The following DOCK1 variants were observed in gnomAD, a reference collection of about 807,000 sequenced individuals.
DOCK1 encodes dedicator of cytokinesis protein 1.
A neutral mutation model predicts 262.7 loss-of-function variants in DOCK1; 138 were observed. The ratio of observed to expected loss-of-function variants is 0.53; its 90% CI spans 0.46 to 0.61. DOCK1 has a LOEUF of 0.61. Ranked by LOEUF, DOCK1 falls within the 20% of genes least tolerant of loss-of-function variation. The probability of loss-of-function intolerance (pLI) is 0.00; values close to 1 mark genes in which losing one functional copy is unlikely to be tolerated. For missense variants in DOCK1, 1,908 were observed against 2,370.7 expected, an observed-to-expected ratio of 0.80 and a Z score of 4.05; for synonymous variants, 866 against 867.4, an observed-to-expected ratio of 1.00 and a Z score of 0.03.
chr10:127,340,059 C>A (rs2063365900), intron 30 of DOCK1, among the ~76,000 whole-genome samples: 1 of 152,040 alleles, frequency 6.6e-6, no homozygotes, highest in African/African-American at 2.4e-5. Flanking sequence ...ATTTGCATTG[C>A]CCTTATTTTT....
intron 1 of DOCK1, among the ~76,000 whole-genome samples, chr10:126,960,745 T>TATATAC (rs1429186588): frequency 1.5e-4 from 17 of 115,512 alleles, no homozygotes; most frequent in African/African-American, 3.6e-4. Context: ...TATATATATA[T>TATATAC]ACACACACAC....
At chr10:127,418,590 A>C in intron 45 of DOCK1, 49 bp downstream of exon 45, 1 of 1,557,572 alleles carries the variant, frequency 6.4e-7, no homozygotes, top group Non-Finnish European at 8.7e-7. Context: ...GCCCGGGGAC[A>C]GACTGAAAAT....
chr10:127,343,017 G>A (rs1339181113), intron 30 of DOCK1, among the ~76,000 whole-genome samples: 2 of 152,184 alleles, frequency 1.3e-5, no homozygotes, highest in Non-Finnish European at 2.9e-5. Flanking sequence ...GGCTGAGGGA[G>A]GTGGATCACT....
intron 50 of DOCK1, among the ~76,000 whole-genome samples, chr10:127,444,580 C>G (rs935793421): frequency 6.6e-6 from 1 of 152,164 alleles, no homozygotes; most frequent in African/African-American, 2.4e-5. Flanking sequence ...CTTTCTATCC[C>G]AGGACGCAGA....
chr10:127,380,861 G>C (rs1178474161), intron 36 of DOCK1, among the ~76,000 whole-genome samples: 1 of 152,102 alleles, frequency 6.6e-6, no homozygotes, highest in Admixed American at 6.5e-5. Flanking sequence ...TAATAACTCA[G>C]TTACCTTTAT....
intron 38 of DOCK1, among the ~76,000 whole-genome samples, chr10:127,386,357 G>C (rs72841541): frequency 2.6e-5 from 4 of 152,118 alleles, no homozygotes; most frequent in Admixed American, 1.3e-4. Context: ...GGTACAGGTC[G>C]TGGCCTGTTA....
chr10:127,203,653 T>C (rs1048831039), intron 27 of DOCK1, among the ~76,000 whole-genome samples: 3 of 152,010 alleles, frequency 2.0e-5, no homozygotes, highest in Non-Finnish European at 4.4e-5. Flanking sequence ...ACGTTTTTTT[T>C]TTTTTTTTCA....
chr10:127,208,548 T>C (rs2057825412), intron 27 of DOCK1, among the ~76,000 whole-genome samples: 1 of 152,236 alleles, frequency 6.6e-6, no homozygotes. Context: ...TATATTAGCT[T>C]AACATGAGTT....
chr10:127,145,595 TC>T lies in DOCK1; in HGVS notation c.2847+17834del, dbSNP rs748506663. Among the ~76,000 whole-genome samples the T allele has an allele frequency of 9.5e-4, 145 of 152,230 alleles. 1 individual carries two copies. Among genetic ancestry groups the T allele is most frequent in the Non-Finnish European group, 1.2e-3 (82 of 67,998 alleles). ...GTGGCCAACCCAACCCTGAGTGGGA[TC>T]CCATGACCCAGGGCCATCACCTTGC... is the stretch of plus-strand genomic sequence containing the variant. On this transcript the variant is annotated intron_variant, in intron 27 of 51. Coordinates refer to ENST00000623213, the MANE Select transcript of DOCK1 (RefSeq NM_001290223.2).
intron 29 of DOCK1, among the ~76,000 whole-genome samples, chr10:127,315,558 TGA>T (rs2062239941): frequency 6.6e-6 from 1 of 152,166 alleles, no homozygotes; most frequent in Non-Finnish European, 1.5e-5. Flanking sequence ...CAGAACTGTG[TGA>T]AAAGAAGTTT....
At chr10:127,248,657 A>G (rs762484801) in intron 28 of DOCK1, among the ~76,000 whole-genome samples, 6 of 152,198 alleles carry the variant, frequency 3.9e-5, no homozygotes, top group Non-Finnish European at 7.3e-5. Flanking sequence ...CTCCCTAATG[A>G]CCTGAAATTA....
At chr10:127,038,877 T>G (rs1488478372) in intron 19 of DOCK1, among the ~76,000 whole-genome samples, 1 of 152,176 alleles carries the variant, frequency 6.6e-6, no homozygotes, top group African/African-American at 2.4e-5. Context: ...TCCTTGTACG[T>G]GAGGAAGCGA....
intron 23 of DOCK1, among the ~76,000 whole-genome samples, chr10:127,075,527 A>T (rs1591918938): frequency 6.6e-6 from 1 of 152,292 alleles, no homozygotes; most frequent in Non-Finnish European, 1.5e-5. Context: ...TGGGTAATTT[A>T]TAAAGAAAAG....
At chr10:127,091,998 G>A (rs960513586) in intron 23 of DOCK1, among the ~76,000 whole-genome samples, 4 of 152,170 alleles carry the variant, frequency 2.6e-5, no homozygotes, top group East Asian at 3.9e-4. Flanking sequence ...ATAGTATATC[G>A]TCTAGATTTG....
chr10:127,317,963 A>C (rs553876560), intron 29 of DOCK1, among the ~76,000 whole-genome samples: 41 of 152,192 alleles, frequency 2.7e-4, no homozygotes, highest in Non-Finnish European at 5.3e-4. Flanking sequence ...GGGAGTCATC[A>C]GGCCATTCTA....
intron 27 of DOCK1, among the ~76,000 whole-genome samples, chr10:127,205,245 C>T (rs889011241): frequency 1.3e-5 from 2 of 152,110 alleles, no homozygotes. Context: ...CAGATTCATA[C>T]GTTATTGGCT....
At position 127,125,860 on chromosome 10, in the gene DOCK1, T is replaced by G. The variant is rs560244051; in HGVS notation, c.2751+259T>G. Reference sequence around the variant, plus strand: ...CGAAATGTCTCTCAGGACCTAAATTTTCATCCTTAAGGTCAGACAAAAAGG... The same window carrying G: ...CGAAATGTCTCTCAGGACCTAAATTGTCATCCTTAAGGTCAGACAAAAAGG... On this transcript the variant is annotated intron_variant, in intron 26 of 51. Transcript: ENST00000623213. 1.6e-4 allele frequency among the ~76,000 whole-genome samples: 25 copies of G among 152,292 alleles called. No individual in the cohort carries two copies. In the South Asian group the frequency reaches 2.1e-3, roughly 13 times the overall value.
chr10:127,217,520 T>C (rs2058265306), intron 27 of DOCK1, among the ~76,000 whole-genome samples: 1 of 152,210 alleles, frequency 6.6e-6, no homozygotes, highest in African/African-American at 2.4e-5. Flanking sequence ...AAACATATCT[T>C]TATTTTCAGT....
At chr10:127,345,085 T>G (rs4750823) in intron 31 of DOCK1, among the ~76,000 whole-genome samples, 87,118 of 151,792 alleles carry the variant, frequency 0.57, 25,495 homozygotes, top group Middle Eastern at 0.75. Flanking sequence ...GTATGGCCGA[T>G]GTGTGTAGTA....
Sources: allele counts gnomAD v4.1 joint callset (sites outside exome capture counted in the v4.1 genomes callset), GRCh38; gene constraint gnomAD v4.1.1; transcripts MANE v1.5; gene names NCBI Gene and HGNC (gene_info 2026-07-23, HGNC 2026-07-21).